The following NME4 variants were observed in gnomAD, a reference collection of about 807,000 sequenced individuals.
The protein encoded by NME4 is NME/NM23 nucleoside diphosphate kinase 4, also known as nucleoside diphosphate kinase D, mitochondrial.
A neutral mutation model predicts 16.4 loss-of-function variants in NME4; 21 were observed. That is an observed-to-expected ratio of 1.28 (90% confidence interval 0.91 to 1.84). NME4 has a LOEUF of 1.84. Among genes scored for constraint, NME4 ranks in the 40% most tolerant of loss-of-function variants. NME4 has a pLI of 0.00. For synonymous variants in NME4, 132 were observed against 107.5 expected, an observed-to-expected ratio of 1.23 and a Z score of -1.41; for missense variants, 316 against 261.3, an observed-to-expected ratio of 1.21 and a Z score of -1.44.
Position 397,212 on chromosome 16 carries a change from G to A in NME4, c.-11G>A. On this transcript the variant is annotated 5_prime_UTR_variant, in exon 1 of 5. Transcript: ENST00000219479. ...CTCCTCGCGCTCACAGCGGCCCGCG[G>A]GCCGGGCGTCATGGGCGGCCTCTTC... 1 of 1,009,772 alleles carries A rather than the reference G, an allele frequency of 9.9e-7. No homozygotes were observed. Among genetic ancestry groups the A allele is most frequent in the Non-Finnish European group, 1.2e-6 (1 of 846,836 alleles). The allele number at this position is 1,009,772 out of a possible 1,614,324, so 62.6% of individuals were successfully genotyped here.
chr16:397,275 G>C lies in NME4; in HGVS notation c.53G>C (p.Arg18Pro), dbSNP rs1300403254. The change falls in exon 1 of 5, where the codon CGG becomes CCG. Residue 18 changes from arginine (R) to proline (P), a missense_variant. Coordinates refer to ENST00000219479, the MANE Select transcript of NME4 (RefSeq NM_005009.3). ...CTGCGGGGGCTGCGCTGCGGCCCGC[G>C]GGCCCCGGGCCCGAGCCTGCTAGTG... ...SALRGLRCGPRAPGPSLLVRH... is the reference protein window; with the variant it reads ...SALRGLRCGPPAPGPSLLVRH... 1 of 1,055,808 alleles carries C rather than the reference G, an allele frequency of 9.5e-7. No homozygotes were observed. Among genetic ancestry groups the C allele is most frequent in the African/African-American group, 1.7e-5 (1 of 57,894 alleles). The allele number at this position is 1,055,808 out of a possible 1,614,324, so 65.4% of individuals were successfully genotyped here.
In NME4 at chr16:400,490, C is replaced by G; in HGVS notation, c.*148C>G. ...CCACCCCAGCCCAGAGGAGTTTGAG[C>G]CACCAACTTCAGTGCCTTTCTGTAC... On this transcript the variant is annotated 3_prime_UTR_variant, in exon 5 of 5. Transcript: ENST00000219479. The G allele has an allele frequency of 4.1e-6, 4 of 972,134 alleles. No homozygotes were observed. Among genetic ancestry groups the G allele is most frequent in the African/African-American group, 3.3e-5 (2 of 60,024 alleles). 60.2% of individuals were successfully genotyped at this position (972,134 alleles called of 1,614,324 possible).
At chr16:399,764 C>G (rs749174500) in intron 4 of NME4, 25 bp downstream of exon 4, 1 of 1,585,910 alleles carries the variant, frequency 6.3e-7, no homozygotes. Context: ...ATACACCAGG[C>G]TGCTGCTGGG....
intron 3 of NME4, 38 bp from the exon 4 acceptor site, chr16:399,589 G>A: frequency 6.2e-7 from 1 of 1,604,624 alleles, no homozygotes; most frequent in Non-Finnish European, 8.5e-7. Flanking sequence ...GGCCCTTGGT[G>A]TTCCCCACTT....
In NME4 at chr16:399,007, C is replaced by T. The variant is rs748149256; in HGVS notation, c.109C>T (p.Arg37Trp). 3.7e-5 allele frequency: 60 copies of T among 1,610,148 alleles called. 1 individual carries two copies. The Admixed American group carries it at 6.2e-4, about 17-fold the overall frequency. Residue 37 changes from arginine to tryptophan, a missense_variant, in exon 2 of 5, where the codon CGG becomes TGG. By Grantham distance (101) the Arg-to-Trp change is moderately radical (BLOSUM62 -3). Coordinates refer to ENST00000219479, the MANE Select transcript of NME4 (RefSeq NM_005009.3). Reference protein sequence around the residue: ...RHGSGGPSWTRERTLVAVKPD... With the variant: ...RHGSGGPSWTWERTLVAVKPD... ...TTTTGAAGGAGGGCCCTCCTGGACC[C>T]GGGAGCGGACCCTGGTGGCGGTGAA...
chr16:398,712 C>T, intron 1 of NME4: 2 of 528,574 alleles, frequency 3.8e-6, no homozygotes, highest in Non-Finnish European at 6.7e-6. Flanking sequence ...CTCCCTGAAC[C>T]TCGGGGCGAT....
chr16:399,043 G>A lies in NME4; in HGVS notation c.145G>A (p.Val49Met), dbSNP rs767862737. 3.8e-5 allele frequency: 61 copies of A among 1,608,386 alleles called. No homozygotes were observed. The highest frequency in any genetic ancestry group is 3.2e-4 in the Admixed American group (19 of 59,918). The change falls in exon 2 of 5, where the codon GTG becomes ATG. Residue 49 changes from valine (V) to methionine (M), a missense_variant. Physicochemically the swap from Val to Met is conservative, Grantham distance 21 (BLOSUM62 1). Transcript: ENST00000219479. ...RTLVAVKPDG[V>M]QRRLVGDVIQ... ...CCTGGTGGCGGTGAAGCCCGATGGC[G>A]TGCAACGGCGGCTCGTTGGGGACGT...
At chr16:397,069 A>G, upstream of NME4, 1 of 155,880 alleles carries the variant, frequency 6.4e-6, no homozygotes, top group Middle Eastern at 3.2e-3. Flanking sequence ...TTGGCGTTGA[A>G]CATTTCCCCC....
chr16:398,236 C>A, intron 1 of NME4: 1 of 1,423,966 alleles, frequency 7.0e-7, no homozygotes. Context: ...ACGGCTGGGG[C>A]GGAGCTCAGC....
intron 4 of NME4, 155 bp from the exon 5 acceptor site, chr16:400,064 G>A: frequency 8.5e-7 from 1 of 1,177,530 alleles, no homozygotes; most frequent in South Asian, 1.3e-5. Context: ...GGCCAGGCTG[G>A]AACCCGGTTT....
At chr16:399,988 C>A in intron 4 of NME4, 1 of 700,222 alleles carries the variant, frequency 1.4e-6, no homozygotes, top group Middle Eastern at 3.5e-4. Flanking sequence ...CACGGGGCAA[C>A]TTGGGGGGAA....
chr16:400,738 G>T lies in NME4; in HGVS notation c.*396G>T. On this transcript the variant is annotated 3_prime_UTR_variant, in exon 5 of 5. Transcript: ENST00000219479. ...TTGTAAGGAGTTGAACAGTAAAGAGGAAGTTTTGCACACCCAGTTCCATAA... is the reference window on the plus strand; with the variant it reads ...TTGTAAGGAGTTGAACAGTAAAGAGTAAGTTTTGCACACCCAGTTCCATAA... 1 of 169,680 alleles carries T rather than the reference G, an allele frequency of 5.9e-6. No individual in the cohort carries two copies. Among genetic ancestry groups the T allele is most frequent in the Non-Finnish European group, 1.3e-5 (1 of 79,748 alleles). The allele number at this position is 169,680 out of a possible 1,614,324, so 10.5% of individuals were successfully genotyped here.
rs1446887739 is a variant in NME4, at chr16:400,450, C to T, written c.*108C>T. On this transcript the variant is annotated 3_prime_UTR_variant, in exon 5 of 5. Coordinates refer to ENST00000219479, the MANE Select transcript of NME4 (RefSeq NM_005009.3). Reference sequence around the variant, plus strand: ...TGCCTGTCCCAAACCACTTACTTCCCTGTTCACCTCTGCCCCACCCCAGCC... The same window carrying T: ...TGCCTGTCCCAAACCACTTACTTCCTTGTTCACCTCTGCCCCACCCCAGCC... 2.2e-6 allele frequency: 3 copies of T among 1,382,746 alleles called. No individual in the cohort carries two copies. Among genetic ancestry groups the T allele is most frequent in the African/African-American group, 1.5e-5 (1 of 68,462 alleles). The allele number at this position is 1,382,746 out of a possible 1,614,324, so 85.7% of individuals were successfully genotyped here. A position where few individuals can be genotyped will look rare whatever the true frequency, so the allele number is the denominator to read the frequency against.
Position 400,610 on chromosome 16 carries a change from C to T in NME4, c.*268C>T, listed in dbSNP as rs2054642491. 9.5e-6 allele frequency: 4 copies of T among 421,864 alleles called. No individual in the cohort carries two copies. Among genetic ancestry groups the T allele is most frequent in the South Asian group, 5.6e-5 (1 of 18,012 alleles). The allele number at this position is 421,864 out of a possible 1,614,324, so 26.1% of individuals were successfully genotyped here. ...GGGTCTTCACATTATCATAACCTCT[C>T]CTCTAAAGGGGAGGCATTAAAATTC... On this transcript the variant is annotated 3_prime_UTR_variant, in exon 5 of 5. Transcript: ENST00000219479.
At chr16:397,864 C>A (rs770510991) in intron 1 of NME4, 2 of 1,553,390 alleles carry the variant, frequency 1.3e-6, no homozygotes, top group African/African-American at 2.7e-5. Context: ...CCTCACAGGA[C>A]GATCCATGTC....
At position 397,319 on chromosome 16, in the gene NME4, TGGGGCCGCGCGCCCCGGC is replaced by T. The variant is rs1205366189; in HGVS notation, c.91+11_91+28del. The T allele has an allele frequency of 1.6e-5, 17 of 1,030,944 alleles. No homozygotes were observed. The highest frequency in any genetic ancestry group is 5.6e-5 in the Admixed American group (1 of 17,822). 63.9% of individuals were successfully genotyped at this position (1,030,944 alleles called of 1,614,324 possible). The stretch of plus-strand genomic sequence containing the variant: ...GCTAGTGCGCCACGGCTCGGGTGAG[TGGGGCCGCGCGCCCCGGC>T]GGGGACGCGGAGGGGAGGAAGGGGC... On this transcript the variant is annotated splice_region_variant and intron_variant, in intron 1 of 4. Coordinates refer to ENST00000219479, the MANE Select transcript of NME4 (RefSeq NM_005009.3).
chr16:400,185 G>A, intron 4 of NME4, 34 bp from the exon 5 acceptor site: 1 of 1,611,820 alleles, frequency 6.2e-7, no homozygotes, highest in Non-Finnish European at 8.5e-7. Context: ...TGCACATGAA[G>A]CCTGAGCCTC....
At chr16:397,892 G>A (rs371156421) in intron 1 of NME4, 6 of 1,554,670 alleles carry the variant, frequency 3.9e-6, no homozygotes, top group African/African-American at 2.7e-5. Context: ...TCCCTCCATC[G>A]GCTCTGAAAA....
chr16:397,144 C>A (rs1466485763), upstream of NME4: 743 of 458,010 alleles, frequency 1.6e-3, 13 homozygotes, highest in African/African-American at 0.016. Context: ...GGCTCCCGGG[C>A]GGGCGGGGGC....
Sources: allele counts gnomAD v4.1 joint callset, GRCh38; gene constraint gnomAD v4.1.1; transcripts MANE v1.5; gene names NCBI Gene and HGNC (gene_info 2026-07-23, HGNC 2026-07-21).